The following SORBS2 variants were observed in gnomAD, a reference collection of about 807,000 sequenced individuals.
SORBS2 encodes the protein sorbin and SH3 domain-containing protein 2.
A neutral mutation model predicts 97.7 loss-of-function variants in SORBS2; 46 were observed. The observed-to-expected ratio is 0.47, with a 90% CI of 0.37 to 0.60. The LOEUF (loss-of-function observed/expected upper bound fraction) is 0.60. Ranked by LOEUF, SORBS2 falls within the 20% of genes least tolerant of loss-of-function variation. The pLI is 0.00. For missense variants in SORBS2, 1,316 were observed against 1,282.3 expected (o/e 1.03, Z -0.40); for synonymous variants, 476 against 473.4 (o/e 1.01, Z -0.07).
At chr4:185,673,918 C>A (rs75668932) in intron 4 of SORBS2, among the ~76,000 whole-genome samples, 5,826 of 152,248 alleles carry the variant, frequency 0.038, 146 homozygotes, top group Middle Eastern at 0.085. Flanking sequence ...TTTTAGGATG[C>A]CACATTTTCC....
In SORBS2 at chr4:185,687,181, C is replaced by T. The variant is rs2153513619; in HGVS notation, c.-197-8359G>A. On this transcript the variant is annotated intron_variant, in intron 2 of 20. Coordinates refer to the SORBS2 transcript ENST00000284776. ...TAGCTGGGATTACAGGCACATGCCA[C>T]CACGCCCAGCTAATTTTTAAAATTT... Among the ~76,000 whole-genome samples, 6 of 152,222 alleles carry T rather than the reference C, an allele frequency of 3.9e-5. No homozygotes were observed. In the Middle Eastern group the frequency reaches 0.017, roughly 431 times the overall value.
At position 185,624,163 on chromosome 4, in the gene SORBS2, G is replaced by T; in HGVS notation, c.966C>A (p.Cys322Ter). ...CGTAGGGGGACCCCCACGCCATGGGGCAGCTCTCCTTGGAGTCCTCCTCAC... is the reference window on the plus strand; with the variant it reads ...CGTAGGGGGACCCCCACGCCATGGGTCAGCTCTCCTTGGAGTCCTCCTCAC... The change falls in exon 7 of 15, where the codon TGC (cysteine) becomes TGA (stop). Residue 322 changes from cysteine to a stop codon, truncating the protein, a stop_gained. Transcript: ENST00000418609. LOFTEE classifies it high-confidence loss of function. 1 of 1,614,256 alleles carries T rather than the reference G, an allele frequency of 6.2e-7. No individual in the cohort carries two copies. Among genetic ancestry groups the T allele is most frequent in the Non-Finnish European group, 8.5e-7 (1 of 1,180,050 alleles).
chr4:185,603,658 A>G (rs1016212909), intron 12 of SORBS2, among the ~76,000 whole-genome samples: 1 of 152,180 alleles, frequency 6.6e-6, no homozygotes, highest in Non-Finnish European at 1.5e-5. Flanking sequence ...CCTTTTTTCC[A>G]AAGGAAAATG....
At chr4:185,842,831 A>G (rs1156702491) in intron 1 of SORBS2, among the ~76,000 whole-genome samples, 3 of 149,598 alleles carry the variant, frequency 2.0e-5, no homozygotes, top group East Asian at 2.1e-4. Context: ...GCTACTCAGG[A>G]GGCTGAGGCA....
rs778955840 is a variant in SORBS2 at position 185,623,695 on chromosome 4, G to T, written c.1434C>A (p.Asn478Lys). The T allele has an allele frequency of 6.2e-7, 1 of 1,614,066 alleles. No individual in the cohort carries two copies. The change falls in exon 7 of 15, where the codon AAC becomes AAA. Residue 478 changes from asparagine to lysine, a missense_variant. By Grantham distance (94) the Asn-to-Lys change is moderately conservative. Transcript: ENST00000418609. The surrounding 1 kb of genome is among the most constrained non-coding windows in gnomAD (Gnocchi z 6.4). Reference sequence around the variant, plus strand: ...CTTCAATGTGAATGGGCACCAGGGCGTTAGACTGGCAGCCTCGCCGGCCCC... The same window carrying T: ...CTTCAATGTGAATGGGCACCAGGGCTTTAGACTGGCAGCCTCGCCGGCCCC...
chr4:185,681,341 C>A (rs1240758464), intron 2 of SORBS2, among the ~76,000 whole-genome samples: 1 of 150,940 alleles, frequency 6.6e-6, no homozygotes, highest in African/African-American at 2.4e-5. Context: ...GACACCTGTT[C>A]TTTGGAGCAG....
intron 2 of SORBS2, among the ~76,000 whole-genome samples, chr4:185,742,450 A>G (rs2098733255): frequency 6.6e-6 from 1 of 152,196 alleles, no homozygotes; most frequent in African/African-American, 2.4e-5. Context: ...TCATTCCTTC[A>G]GTAAATATCC....
intron 1 of SORBS2, among the ~76,000 whole-genome samples, chr4:185,859,855 A>G (rs1194785581): frequency 6.6e-6 from 1 of 152,258 alleles, no homozygotes; most frequent in African/African-American, 2.4e-5. Context: ...GATGGCAATT[A>G]GTTCCAAAAG....
chr4:185,656,670 C>A (rs2153467258), exon 1 of SORBS2: 2 of 1,550,830 alleles, frequency 1.3e-6, no homozygotes, highest in Non-Finnish European at 8.7e-7. Context: ...CCGGCTGGCA[C>A]AAGCCTTCTC....
intron 2 of SORBS2, among the ~76,000 whole-genome samples, chr4:185,721,318 G>A (rs189516431): frequency 1.6e-4 from 24 of 152,154 alleles, no homozygotes; most frequent in African/African-American, 5.5e-4. Context: ...TGGGTGATCC[G>A]CCTGCCTTGG....
chr4:185,872,880 T>A (rs937846517), intron 1 of SORBS2, among the ~76,000 whole-genome samples: 2 of 152,200 alleles, frequency 1.3e-5, no homozygotes, highest in African/African-American at 4.8e-5. Flanking sequence ...CTGCTGTGAC[T>A]GATCTCACCT....
intron 1 of SORBS2, among the ~76,000 whole-genome samples, chr4:185,947,073 G>C (rs57468116): frequency 0.035 from 5,333 of 152,276 alleles, 310 homozygotes; most frequent in African/African-American, 0.12. Context: ...GAAAAAGGAG[G>C]ATTTGTGTCT....
chr4:185,882,692 A>G (rs1313142936), intron 1 of SORBS2, among the ~76,000 whole-genome samples: 1 of 152,200 alleles, frequency 6.6e-6, no homozygotes. Context: ...GAGACTTACC[A>G]TAGGACTGTG....
chr4:185,768,023 AG>A (rs1225837922), intron 2 of SORBS2, among the ~76,000 whole-genome samples: 1 of 152,144 alleles, frequency 6.6e-6, no homozygotes, highest in Non-Finnish European at 1.5e-5. Context: ...ATTCCAGTAC[AG>A]CTTTTCCTTT....
intron 1 of SORBS2, among the ~76,000 whole-genome samples, chr4:185,825,624 T>A (rs1346057315): frequency 6.6e-6 from 1 of 152,186 alleles, no homozygotes; most frequent in Admixed American, 6.5e-5. Flanking sequence ...TTTGATCACT[T>A]TTGTTGCAGT....
chr4:185,940,323 A>C (rs1225487337), intron 1 of SORBS2, among the ~76,000 whole-genome samples: 1 of 152,142 alleles, frequency 6.6e-6, no homozygotes, highest in African/African-American at 2.4e-5. Context: ...AGACAGAATT[A>C]CTGATTTATT....
At chr4:185,646,721 T>G in exon 4 of SORBS2, 1 of 1,614,052 alleles carries the variant, frequency 6.2e-7, no homozygotes, top group South Asian at 1.1e-5. Context: ...TCAAAAATAC[T>G]CCTTGGCTCA....
intron 4 of SORBS2, among the ~76,000 whole-genome samples, chr4:185,676,438 G>T (rs969922280): frequency 5.9e-5 from 9 of 152,216 alleles, no homozygotes; most frequent in African/African-American, 2.2e-4. Context: ...TTTACTTCCT[G>T]AAAGTCTGGA....
intron 1 of SORBS2, among the ~76,000 whole-genome samples, chr4:185,884,900 TAC>T (rs2099238617): frequency 6.6e-6 from 1 of 152,186 alleles, no homozygotes; most frequent in Non-Finnish European, 1.5e-5. Context: ...GTAATCAAGT[TAC>T]AGTCATACTG....
Sources: allele counts gnomAD v4.1 joint callset (sites outside exome capture counted in the v4.1 genomes callset), GRCh38; gene constraint gnomAD v4.1.1; non-coding constraint Gnocchi (gnomAD v3.1); transcripts MANE v1.5; gene names NCBI Gene and HGNC (gene_info 2026-07-23, HGNC 2026-07-21).